Variants in SLC36A1 observed in about 807,000 individuals in gnomAD.
The protein encoded by SLC36A1 is solute carrier family 36 member 1.
In SLC36A1, 30 loss-of-function variants were observed where a neutral mutation model predicts 47.5. The observed-to-expected ratio is 0.63, with a 90% confidence interval of 0.47 to 0.86. SLC36A1 has a LOEUF of 0.86. Among genes scored for constraint, SLC36A1 ranks in the 40% least tolerant of loss-of-function variants. The pLI is 0.00. For missense variants in SLC36A1, 517 were observed against 606.0 expected, an observed-to-expected ratio of 0.85 and a Z score of 1.54; for synonymous variants, 255 against 249.7, an observed-to-expected ratio of 1.02 and a Z score of -0.20.
At chr5:151,548,330 A>G in the SLC36A1 span, among the ~76,000 whole-genome samples, 1 of 151,744 alleles carries the variant, frequency 6.6e-6, no homozygotes, top group Non-Finnish European at 1.5e-5. Flanking sequence ...ATCATTAATT[A>G]TGTATTATAA....
At chr5:151,463,521 G>T (rs1755879937) in intron 2 of SLC36A1, 32 bp from the exon 3 acceptor site, 2 of 1,504,278 alleles carry the variant, frequency 1.3e-6, no homozygotes, top group East Asian at 2.3e-5. Context: ...AACTGTCATG[G>T]TTATCATTTC....
the SLC36A1 span, chr5:151,525,992 A>C: frequency 3.7e-6 from 6 of 1,610,092 alleles, no homozygotes; most frequent in East Asian, 1.3e-4. Flanking sequence ...CAAAGAAGGC[A>C]AAGAGCAGAA....
the SLC36A1 span, chr5:151,549,529 G>A: frequency 1.2e-6 from 2 of 1,607,902 alleles, no homozygotes; most frequent in African/African-American, 1.3e-5. Context: ...GGGGGTAATT[G>A]GGTAAGCAGC....
In SLC36A1 at chr5:151,492,064, G is replaced by A. The variant is rs1243436288; in HGVS notation, c.*3810G>A. 6.6e-6 allele frequency: 1 copy of A among 152,230 alleles called. No individual in the cohort carries two copies. Among genetic ancestry groups the A allele is most frequent in the Non-Finnish European group, 1.5e-5 (1 of 68,056 alleles). 9.4% of individuals were successfully genotyped at this position (152,230 alleles called of 1,614,324 possible). A position where few individuals can be genotyped will look rare whatever the true frequency, so the allele number is the denominator to read the frequency against. On this transcript the variant is annotated 3_prime_UTR_variant, in exon 11 of 11. Transcript: ENST00000243389. ...AAGGTAGCAGATATAGGTGCAGGGTGCCTGTCATTCACTGTGTTATTTGGT... is the reference window on the plus strand; with the variant it reads ...AAGGTAGCAGATATAGGTGCAGGGTACCTGTCATTCACTGTGTTATTTGGT...
At chr5:151,369,669 A>G in the SLC36A1 span, among the ~76,000 whole-genome samples, 2 of 152,216 alleles carry the variant, frequency 1.3e-5, no homozygotes, top group Non-Finnish European at 2.9e-5. Context: ...ATTTGTAGAT[A>G]CAGGGTCTCG....
chr5:151,517,016 G>C, the SLC36A1 span, among the ~76,000 whole-genome samples: 1 of 151,746 alleles, frequency 6.6e-6, no homozygotes, highest in Non-Finnish European at 1.5e-5. Context: ...GCTGAGGCAG[G>C]AGAATCGCTT....
chr5:151,429,320 G>A, the SLC36A1 span, among the ~76,000 whole-genome samples: 1 of 149,836 alleles, frequency 6.7e-6, no homozygotes, highest in South Asian at 2.1e-4. Flanking sequence ...TTAGCATTAG[G>A]TATATCTCCT....
chr5:151,547,361 T>C, the SLC36A1 span, among the ~76,000 whole-genome samples: 1 of 152,190 alleles, frequency 6.6e-6, no homozygotes, highest in Admixed American at 6.5e-5. Context: ...GCTTGAATAA[T>C]TTAAAGAGGA....
the SLC36A1 span, among the ~76,000 whole-genome samples, chr5:151,371,483 A>G: frequency 1.3e-5 from 2 of 152,182 alleles, no homozygotes; most frequent in East Asian, 1.9e-4. Context: ...CTCACTAATG[A>G]TATCTCATTA....
At chr5:151,394,128 C>G in the SLC36A1 span, among the ~76,000 whole-genome samples, 2 of 152,136 alleles carry the variant, frequency 1.3e-5, no homozygotes, top group African/African-American at 4.8e-5. Flanking sequence ...CTCTAAACTT[C>G]TCTTCTCGCT....
chr5:151,472,367 C>T lies in SLC36A1; in HGVS notation c.724-1306C>T, dbSNP rs184073480. Among the ~76,000 whole-genome samples the T allele has an allele frequency of 5.5e-4, 84 of 152,364 alleles. No homozygotes were observed. In the East Asian group the frequency reaches 0.012, roughly 22 times the overall value. On this transcript the variant is annotated intron_variant, in intron 7 of 10. Transcript: ENST00000243389. The stretch of plus-strand genomic sequence containing the variant: ...GAGCTGGCAGCTGATTAGATTGTGC[C>T]CATCCAGATTAAGGGTGGGTCTGCC...
chr5:151,374,031 A>G, the SLC36A1 span, among the ~76,000 whole-genome samples: 1 of 152,174 alleles, frequency 6.6e-6, no homozygotes, highest in Non-Finnish European at 1.5e-5. Context: ...GAAGGGATGA[A>G]TAACACCTTC....
At chr5:151,420,180 C>T in the SLC36A1 span, among the ~76,000 whole-genome samples, 7,321 of 152,216 alleles carry the variant, frequency 0.048, 562 homozygotes, top group African/African-American at 0.17. Flanking sequence ...AATCATGTGC[C>T]AACTCGTTGA....
At chr5:151,380,755 C>A in the SLC36A1 span, 1 of 540,114 alleles carries the variant, frequency 1.9e-6, no homozygotes, top group Non-Finnish European at 3.8e-6. Context: ...AAGCCCCTTG[C>A]AGACAGATGG....
At chr5:151,555,540 T>C in the SLC36A1 span, among the ~76,000 whole-genome samples, 2 of 151,728 alleles carry the variant, frequency 1.3e-5, no homozygotes, top group African/African-American at 2.4e-5. Context: ...TGGCTAATTT[T>C]TGTATTTTTA....
the SLC36A1 span, chr5:151,380,631 A>G: frequency 1.8e-6 from 1 of 552,422 alleles, no homozygotes; most frequent in Non-Finnish European, 3.7e-6. Flanking sequence ...TTGTAGATGC[A>G]GTAGTGGCTC....
At chr5:151,363,574 A>G in the SLC36A1 span, among the ~76,000 whole-genome samples, 1 of 152,188 alleles carries the variant, frequency 6.6e-6, no homozygotes, top group South Asian at 2.1e-4. Flanking sequence ...GAATCAGATC[A>G]TCCCCAGAGC....
chr5:151,361,866 T>TTTC, the SLC36A1 span, among the ~76,000 whole-genome samples: 1 of 152,232 alleles, frequency 6.6e-6, no homozygotes, highest in East Asian at 1.9e-4. Context: ...GACAGTTTTT[T>TTTC]TTTCTTTCAG....
chr5:151,382,984 T>A, the SLC36A1 span, among the ~76,000 whole-genome samples: 1 of 152,186 alleles, frequency 6.6e-6, no homozygotes, highest in African/African-American at 2.4e-5. Context: ...CAGGATGGTC[T>A]CAATCTCCTG....
Sources: gnomAD v4.1 joint callset for allele counts (sites outside exome capture counted in the v4.1 genomes callset) on GRCh38, gnomAD v4.1.1 for gene constraint, MANE v1.5 for transcripts, NCBI Gene and HGNC (gene_info 2026-07-23, HGNC 2026-07-21) for gene names.